LPP: variants seen among roughly 807,000 people sequenced by gnomAD.
LPP encodes lipoma-preferred partner.
In LPP, 38 loss-of-function variants were observed where a neutral mutation model predicts 60.4. The ratio of observed to expected loss-of-function variants is 0.63; its 90% CI spans 0.49 to 0.83. LPP has a LOEUF of 0.83. Ranked by LOEUF, LPP falls within the 40% of genes least tolerant of loss-of-function variation. The pLI, the probability that LPP is intolerant of heterozygous loss-of-function variation, is 0.00. For missense variants in LPP, 902 were observed against 783.6 expected, an observed-to-expected ratio of 1.15 and a Z score of -1.80; for synonymous variants, 328 against 290.8, an observed-to-expected ratio of 1.13 and a Z score of -1.30.
chr3:188,364,983 C>T (rs1770674817), intron 3 of LPP, among the ~76,000 whole-genome samples: 1 of 152,146 alleles, frequency 6.6e-6, no homozygotes, highest in Admixed American at 6.5e-5. Context: ...ATGACAGAGG[C>T]AGCAAGTGTT....
At position 188,352,842 on chromosome 3, in the gene LPP, G is replaced by A. The variant is rs547805554; in HGVS notation, c.-10+11123G>A. Among the ~76,000 whole-genome samples, 88 of 152,306 alleles carry A rather than the reference G, an allele frequency of 5.8e-4. No individual in the cohort carries two copies. The highest frequency in any genetic ancestry group is 2.2e-3 in the Admixed American group (34 of 15,298). On this transcript the variant is annotated intron_variant, in intron 3 of 11. Coordinates refer to ENST00000617246, the MANE Select transcript of LPP (RefSeq NM_001375462.1). This position sits in a 1 kb window ranked among gnomAD's most constrained non-coding sequence, Gnocchi z 4.4. ...GAGAGTAACTCAGTGCAGAGGCAGC[G>A]ACGGGAAAGTGAAGGAGAGTAAGAA...
At chr3:188,465,529 A>G (rs955772748) in intron 4 of LPP, among the ~76,000 whole-genome samples, 3 of 152,202 alleles carry the variant, frequency 2.0e-5, no homozygotes, top group Non-Finnish European at 4.4e-5. Flanking sequence ...CATTCCAAAG[A>G]ATGTGTGTGT....
intron 8 of LPP, among the ~76,000 whole-genome samples, chr3:188,737,298 T>C (rs1722864969): frequency 6.6e-6 from 1 of 152,314 alleles, no homozygotes; most frequent in Admixed American, 6.5e-5. Context: ...GCAATGTGGA[T>C]ACTAACACTG....
At chr3:188,581,801 G>A (rs1266650570) in intron 6 of LPP, among the ~76,000 whole-genome samples, 1 of 152,042 alleles carries the variant, frequency 6.6e-6, no homozygotes, top group Admixed American at 6.6e-5. Context: ...CTCTCATTCA[G>A]GTAACTCCTA....
intron 2 of LPP, among the ~76,000 whole-genome samples, chr3:188,322,610 A>C (rs1757268727): frequency 6.6e-6 from 1 of 152,178 alleles, no homozygotes; most frequent in Non-Finnish European, 1.5e-5. Context: ...TAATATTTGC[A>C]ATGTTGATTC....
In LPP at chr3:188,182,899, G is replaced by C. The variant is rs1373818911; in HGVS notation, c.-190+28647G>C. Among the ~76,000 whole-genome samples the C allele has an allele frequency of 6.6e-6, 1 of 151,984 alleles. No homozygotes were observed. The highest frequency in any genetic ancestry group is 1.5e-5 in the Non-Finnish European group (1 of 68,008). ...TCAAAATCTCTGAGAAGTAGACCTG[G>C]TCAAGAGTACTTAGAGAAAATTCCC... On this transcript the variant is annotated intron_variant, in intron 1 of 11. Transcript: ENST00000617246. The surrounding 1 kb of genome is among the most constrained non-coding windows in gnomAD (Gnocchi z 4.4).
chr3:188,475,759 C>T (rs998014259), intron 4 of LPP, among the ~76,000 whole-genome samples: 3 of 152,018 alleles, frequency 2.0e-5, no homozygotes, highest in South Asian at 2.1e-4. Context: ...AAAAATTAGC[C>T]GGGCGTGGTG....
chr3:188,178,098 C>T (rs1256674211), intron 1 of LPP, among the ~76,000 whole-genome samples: 2 of 152,188 alleles, frequency 1.3e-5, no homozygotes, highest in East Asian at 3.9e-4. Flanking sequence ...CTCACTTGGA[C>T]AGGTAGTCAG....
At chr3:188,161,765 T>C (rs1020636795) in intron 1 of LPP, among the ~76,000 whole-genome samples, 3 of 152,186 alleles carry the variant, frequency 2.0e-5, no homozygotes, top group African/African-American at 7.2e-5. Flanking sequence ...TTTGGAGAAT[T>C]TTAGGAGAGG....
chr3:188,192,775 C>T (rs987482133), intron 1 of LPP, among the ~76,000 whole-genome samples: 1 of 152,122 alleles, frequency 6.6e-6, no homozygotes, highest in Non-Finnish European at 1.5e-5. Context: ...GAAACAGGGC[C>T]CTTTTCTTGC....
At chr3:188,555,156 GAAGATC>G (rs1396469912) in intron 6 of LPP, among the ~76,000 whole-genome samples, 1 of 152,114 alleles carries the variant, frequency 6.6e-6, no homozygotes, top group Non-Finnish European at 1.5e-5. Context: ...AAAAGTCTGA[GAAGATC>G]ATGGCTGGCA....
At chr3:188,714,117 T>C (rs921348745) in intron 8 of LPP, among the ~76,000 whole-genome samples, 5 of 152,158 alleles carry the variant, frequency 3.3e-5, no homozygotes, top group African/African-American at 4.8e-5. Flanking sequence ...CAGTGAGTTG[T>C]TCAAGCTCAC....
intron 5 of LPP, among the ~76,000 whole-genome samples, chr3:188,494,266 C>A (rs1809286663): frequency 1.3e-5 from 2 of 152,104 alleles, no homozygotes; most frequent in Admixed American, 6.5e-5. Context: ...CCCTCCCTTA[C>A]ATGCCATACA....
chr3:188,503,698 T>G lies in LPP; in HGVS notation c.306+18994T>G, dbSNP rs373048071. Among the ~76,000 whole-genome samples, 13 of 152,172 alleles carry G rather than the reference T, an allele frequency of 8.5e-5. No individual in the cohort carries two copies. In the South Asian group the frequency reaches 2.7e-3, roughly 32 times the overall value. On this transcript the variant is annotated intron_variant, in intron 5 of 11. Transcript: ENST00000617246. ...TTCTTTCTCACTTTTAAAATAAAAT[T>G]TTGCCAGATGTAGGATTCGTGGTTG...
intron 2 of LPP, among the ~76,000 whole-genome samples, chr3:188,304,919 T>C (rs1449460422): frequency 6.6e-6 from 1 of 152,188 alleles, no homozygotes; most frequent in Non-Finnish European, 1.5e-5. Context: ...TGTCATTAAA[T>C]TATCAGGGAA....
intron 1 of LPP, chr3:188,180,632 C>G (rs1472363149): frequency 6.5e-6 from 1 of 154,304 alleles, no homozygotes; most frequent in Non-Finnish European, 1.5e-5. Context: ...TCATAAATCA[C>G]TATTTAGACA....
At chr3:188,709,042 T>C (rs1172092079) in intron 8 of LPP, 1 of 152,186 alleles carries the variant, frequency 6.6e-6, no homozygotes, top group Non-Finnish European at 1.5e-5. Flanking sequence ...GATATCCAAT[T>C]TCCAGATTGT....
At chr3:188,874,166 C>A (rs967488832) in intron 11 of LPP, among the ~76,000 whole-genome samples, 185 bp from the exon 12 acceptor site, 2 of 152,114 alleles carry the variant, frequency 1.3e-5, no homozygotes, top group African/African-American at 4.8e-5. Flanking sequence ...AATTCAATTA[C>A]ATTCAAGATA....
chr3:188,463,359 TAAA>T (rs10541444), intron 4 of LPP, among the ~76,000 whole-genome samples: 18 of 147,806 alleles, frequency 1.2e-4, no homozygotes, highest in East Asian at 4.0e-4. Flanking sequence ...CTGACTAATT[TAAA>T]AAAAAAAAAA....
Sources: allele counts gnomAD v4.1 joint callset (sites outside exome capture counted in the v4.1 genomes callset), GRCh38; gene constraint gnomAD v4.1.1; non-coding constraint Gnocchi (gnomAD v3.1); transcripts MANE v1.5; gene names NCBI Gene and HGNC (gene_info 2026-07-23, HGNC 2026-07-21).